Variants in FBP1 observed in about 807,000 individuals in gnomAD.
FBP1 encodes the protein fructose-bisphosphatase 1.
Under a neutral mutation model 29.9 loss-of-function variants are expected in FBP1, and 22 were observed. The ratio of observed to expected loss-of-function variants is 0.74; its 90% confidence interval spans 0.53 to 1.05. FBP1 has a LOEUF of 1.05. Among genes scored for constraint, FBP1 ranks in the 50% least tolerant of loss-of-function variants. The pLI, the probability that FBP1 is intolerant of heterozygous loss-of-function variation, is 0.00. For synonymous variants in FBP1, 175 were observed against 178.6 expected (o/e 0.98, Z 0.16); for missense variants, 345 against 448.2 (o/e 0.77, Z 2.08).
At position 94,620,489 on chromosome 9, in the gene FBP1, T is replaced by C. The variant is rs749842388; in HGVS notation, c.173A>G (p.Tyr58Cys). 3.1e-6 allele frequency: 5 copies of C among 1,613,976 alleles called. No individual in the cohort carries two copies. The highest frequency in any genetic ancestry group is 1.7e-5 in the Admixed American group (1 of 59,990). ...AVRKAGIAHL[Y>C]GIAGSTNVTG... is the part of the protein sequence containing the mutation. ...CACGTTGGTAGAACCAGCAATGCCA[T>C]AGCTACAGGGAACAAAAGCCACAAA... Residue 58 changes from tyrosine (Y) to cysteine (C), a missense_variant and splice_region_variant, in exon 2 of 7, where the codon TAT (tyrosine) becomes TGT (cysteine). By Grantham distance (194) the Tyr-to-Cys change is radical. Coordinates refer to ENST00000375326, the MANE Select transcript of FBP1 (RefSeq NM_000507.4).
chr9:94,636,176 C>G (rs1828187840), intron 1 of FBP1, among the ~76,000 whole-genome samples: 2 of 152,014 alleles, frequency 1.3e-5, no homozygotes, highest in African/African-American at 4.8e-5. Flanking sequence ...TCACAACTAT[C>G]TAGTATAAAA....
rs28402405 is a variant in FBP1, at chr9:94,631,740, A to G, written c.170+7401T>C. Among the ~76,000 whole-genome samples, 6 of 152,338 alleles carry G rather than the reference A, an allele frequency of 3.9e-5. No homozygotes were observed. In the East Asian group the frequency reaches 1.2e-3, roughly 29 times the overall value. On this transcript the variant is annotated intron_variant, in intron 1 of 6. Coordinates refer to ENST00000375326, the MANE Select transcript of FBP1 (RefSeq NM_000507.4). ...GGGCTCGGAACACGCAGCTCAACCA[A>G]AAGGGAGGGAGATTATTACTTAATC... is the stretch of plus-strand genomic sequence containing the variant.
intron 1 of FBP1, among the ~76,000 whole-genome samples, chr9:94,632,874 A>G (rs912997239): frequency 6.6e-6 from 1 of 152,166 alleles, no homozygotes; most frequent in Admixed American, 6.5e-5. Context: ...GCTTGGCTCC[A>G]TCTCTCTCCA....
chr9:94,624,943 T>G (rs1161507369), intron 1 of FBP1, among the ~76,000 whole-genome samples: 1 of 152,034 alleles, frequency 6.6e-6, no homozygotes, highest in East Asian at 2.0e-4. Context: ...TAAGGATGGC[T>G]CTGATTTGCA....
intron 1 of FBP1, among the ~76,000 whole-genome samples, chr9:94,628,989 T>C (rs1210653750): frequency 6.6e-6 from 1 of 152,220 alleles, no homozygotes; most frequent in Non-Finnish European, 1.5e-5. Context: ...TTGTTGTTTT[T>C]TGTTTGTTTT....
intron 6 of FBP1, chr9:94,603,974 G>A: frequency 3.1e-6 from 1 of 320,296 alleles, no homozygotes; most frequent in South Asian, 2.8e-5. Flanking sequence ...AAAATCCATG[G>A]TGGTGTCTGG....
chr9:94,620,528 C>A (rs775719247), intron 1 of FBP1, 37 bp from the exon 2 acceptor site: 3 of 1,607,650 alleles, frequency 1.9e-6, no homozygotes, highest in Non-Finnish European at 2.6e-6. Flanking sequence ...TAAGCCATGA[C>A]CACCAGAACA....
intron 1 of FBP1, among the ~76,000 whole-genome samples, chr9:94,621,398 A>AAAAAAATATAT (rs58726402): frequency 0.026 from 3,749 of 146,094 alleles, 222 homozygotes; most frequent in African/African-American, 0.084. Flanking sequence ...TCCGTCTAAA[A>AAAAAAATATAT]ATATATATAT....
At chr9:94,607,040 G>A (rs1827712864) in intron 4 of FBP1, 88 bp from the exon 5 acceptor site, 9 of 1,574,108 alleles carry the variant, frequency 5.7e-6, no homozygotes, top group African/African-American at 1.3e-5. Context: ...GCTGGGCTAC[G>A]CTGGGCTGGG....
At chr9:94,621,843 G>A (rs977851552) in intron 1 of FBP1, among the ~76,000 whole-genome samples, 2 of 152,092 alleles carry the variant, frequency 1.3e-5, no homozygotes, top group Non-Finnish European at 2.9e-5. Flanking sequence ...GCCAAGCCAA[G>A]GGGTTTATGG....
rs79647008 is a variant in FBP1, at chr9:94,616,852, T to C, written c.426+916A>G. On this transcript the variant is annotated intron_variant, in intron 3 of 6. Coordinates refer to ENST00000375326, the MANE Select transcript of FBP1 (RefSeq NM_000507.4). ...TTTCATTCTATTTTTCACTTATTCG[T>C]ATAATTGAGCACCTCTCCCTCTCCC... Among the ~76,000 whole-genome samples, 224 of 152,306 alleles carry C rather than the reference T, an allele frequency of 1.5e-3. 4 individuals are homozygous for C. In the East Asian group the frequency reaches 0.04, roughly 27 times the overall value.
At chr9:94,615,775 T>A (rs929908480) in intron 3 of FBP1, among the ~76,000 whole-genome samples, 3 of 151,668 alleles carry the variant, frequency 2.0e-5, no homozygotes, top group African/African-American at 7.3e-5. Flanking sequence ...AAATTATGTA[T>A]AATACTAGAC....
chr9:94,624,874 GC>G (rs1028011248), intron 1 of FBP1, among the ~76,000 whole-genome samples: 2 of 151,908 alleles, frequency 1.3e-5, no homozygotes, highest in Non-Finnish European at 2.9e-5. Flanking sequence ...TTCCTGTGAT[GC>G]CTGGATCCAG....
Position 94,603,421 on chromosome 9 carries a change from A to G in FBP1, c.977T>C (p.Leu326Pro), listed in dbSNP as rs759227114. The change falls in exon 7 of 7, where the codon CTC becomes CCC. Residue 326 changes from leucine to proline, a missense_variant. By Grantham distance (98) the Leu-to-Pro change is moderately conservative. Coordinates refer to ENST00000375326, the MANE Select transcript of FBP1 (RefSeq NM_000507.4). ...CTTCTCATACACCTTCAGGAACTCG[A>G]GCACGTCGTCGGGGGATCCCAAGAT... is the stretch of plus-strand genomic sequence containing the variant. Reference protein sequence around the residue: ...PVILGSPDDVLEFLKVYEKHS... With the variant: ...PVILGSPDDVPEFLKVYEKHS... 6 of 1,614,046 alleles carry G rather than the reference A, an allele frequency of 3.7e-6. No individual in the cohort carries two copies. Among genetic ancestry groups the G allele is most frequent in the South Asian group, 3.3e-5 (3 of 91,044 alleles).
intron 3 of FBP1, 133 bp from the exon 4 acceptor site, chr9:94,610,194 C>A (rs28369730): frequency 2.3e-6 from 2 of 865,432 alleles, no homozygotes; most frequent in African/African-American, 1.7e-5. Context: ...GGGGCCTTCC[C>A]CTACACATCA....
chr9:94,615,352 C>T (rs1254198474), intron 3 of FBP1, among the ~76,000 whole-genome samples: 4 of 151,868 alleles, frequency 2.6e-5, no homozygotes, highest in African/African-American at 9.7e-5. Context: ...CAATGTCTCT[C>T]AATTTCCCAG....
At chr9:94,621,398 A>AAAAAAATATATATAT (rs58726402) in intron 1 of FBP1, among the ~76,000 whole-genome samples, 2 of 146,158 alleles carry the variant, frequency 1.4e-5, no homozygotes, top group Admixed American at 6.7e-5. Flanking sequence ...TCCGTCTAAA[A>AAAAAAATATATATAT]ATATATATAT....
intron 6 of FBP1, among the ~76,000 whole-genome samples, chr9:94,604,738 C>T (rs938304398): frequency 3.3e-5 from 5 of 152,146 alleles, no homozygotes; most frequent in African/African-American, 7.2e-5. Context: ...GAGCTGAGAT[C>T]GCGCCACTGC....
chr9:94,612,713 C>T (rs560319490), intron 3 of FBP1, among the ~76,000 whole-genome samples: 18 of 152,030 alleles, frequency 1.2e-4, no homozygotes, highest in East Asian at 3.9e-4. Flanking sequence ...CCCACCACCA[C>T]GCCTGGCTAA....
Sources: allele counts gnomAD v4.1 joint callset (sites outside exome capture counted in the v4.1 genomes callset), GRCh38; gene constraint gnomAD v4.1.1; transcripts MANE v1.5; gene names NCBI Gene and HGNC (gene_info 2026-07-23, HGNC 2026-07-21).